CEP85L: variants seen among roughly 807,000 people sequenced by gnomAD.
CEP85L encodes the protein centrosomal protein 85L.
Under a neutral mutation model 100.3 loss-of-function variants are expected in CEP85L, and 60 were observed. The observed-to-expected ratio is 0.60, with a 90% CI of 0.49 to 0.74. CEP85L has a LOEUF of 0.74. Ranked by LOEUF, CEP85L falls within the 30% of genes least tolerant of loss-of-function variation. The pLI, the probability that CEP85L is intolerant of heterozygous loss-of-function variation, is 0.00. For missense variants in CEP85L, 973 were observed against 936.2 expected (o/e 1.04, Z -0.51); for synonymous variants, 319 against 322.7 (o/e 0.99, Z 0.12).
At chr6:118,572,442 G>A (rs1478057908) in intron 2 of CEP85L, among the ~76,000 whole-genome samples, 1 of 151,872 alleles carries the variant, frequency 6.6e-6, no homozygotes, top group African/African-American at 2.4e-5. Context: ...TGTCCTGGTG[G>A]GCGCCTGTAG....
At chr6:118,652,713 T>C (rs1281240584), upstream of CEP85L, 3 of 1,543,208 alleles carry the variant, frequency 1.9e-6, no homozygotes, top group African/African-American at 2.7e-5. Context: ...ATCCGTGTTG[T>C]AATTTATCTG....
intron 3 of CEP85L, among the ~76,000 whole-genome samples, chr6:118,530,298 T>C (rs949690385): frequency 1.3e-5 from 2 of 150,816 alleles, no homozygotes; most frequent in South Asian, 4.2e-4. Flanking sequence ...TATTTTCAAA[T>C]GGTTGAAAAA....
chr6:118,552,333 T>C (rs552150651), intron 3 of CEP85L, among the ~76,000 whole-genome samples: 2 of 152,190 alleles, frequency 1.3e-5, no homozygotes, highest in South Asian at 2.1e-4. Context: ...GTGAACATAC[T>C]TAAAGTATAG....
Position 118,465,180 on chromosome 6 carries a change from T to C in CEP85L, c.*225A>G. On this transcript the variant is annotated 3_prime_UTR_variant, in exon 13 of 13. Transcript: ENST00000368491. ...GAGAATATAGACATTTTTTTCCTTGTAGATTTTATCATATTTTCCAAAGGT... is the reference window on the plus strand; with the variant it reads ...GAGAATATAGACATTTTTTTCCTTGCAGATTTTATCATATTTTCCAAAGGT... 2.2e-6 allele frequency: 1 copy of C among 464,940 alleles called. No homozygotes were observed. The highest frequency in any genetic ancestry group is 3.6e-5 in the East Asian group (1 of 27,722). The allele number at this position is 464,940 out of a possible 1,614,324, so 28.8% of individuals were successfully genotyped here.
chr6:118,501,749 C>A (rs1170938025), intron 5 of CEP85L: 3 of 876,074 alleles, frequency 3.4e-6, no homozygotes, highest in East Asian at 2.6e-5. Context: ...CTTGAAAAAA[C>A]TTGAAAGCAG....
intron 6 of CEP85L, among the ~76,000 whole-genome samples, chr6:118,484,367 C>G (rs1163504868): frequency 1.3e-5 from 2 of 152,120 alleles, no homozygotes; most frequent in African/African-American, 4.8e-5. Context: ...ATTTATGTCA[C>G]TGAAATCAAC....
At chr6:118,540,591 T>G (rs546200415) in intron 3 of CEP85L, among the ~76,000 whole-genome samples, 42 of 151,812 alleles carry the variant, frequency 2.8e-4, no homozygotes, top group Non-Finnish European at 4.7e-4. Flanking sequence ...TCCGTCTCTA[T>G]ACTAAAAATA....
chr6:118,653,871 AC>A (rs1775682639), upstream of CEP85L, among the ~76,000 whole-genome samples: 1 of 152,166 alleles, frequency 6.6e-6, no homozygotes, highest in Non-Finnish European at 1.5e-5. Context: ...AGAAAATAGT[AC>A]TAAAAATGCC....
At chr6:118,645,161 A>T (rs1775099594) in intron 1 of CEP85L, among the ~76,000 whole-genome samples, 1 of 152,078 alleles carries the variant, frequency 6.6e-6, no homozygotes, top group Non-Finnish European at 1.5e-5. Context: ...TCCGCCTTGG[A>T]GATTTTTTGT....
At chr6:118,551,083 T>C (rs1445924515) in intron 3 of CEP85L, among the ~76,000 whole-genome samples, 7 of 151,898 alleles carry the variant, frequency 4.6e-5, no homozygotes, top group Non-Finnish European at 7.4e-5. Context: ...ATACCTAAAA[T>C]CCAAGTTAAC....
chr6:118,480,674 A>G (rs1285805975), intron 8 of CEP85L, among the ~76,000 whole-genome samples, 161 bp from the exon 9 acceptor site: 1 of 152,182 alleles, frequency 6.6e-6, no homozygotes, highest in Non-Finnish European at 1.5e-5. Flanking sequence ...TCTATAGTTC[A>G]TAACAAGTAA....
chr6:118,538,670 G>A (rs1479737489), intron 3 of CEP85L, among the ~76,000 whole-genome samples: 1 of 142,236 alleles, frequency 7.0e-6, no homozygotes, highest in East Asian at 2.0e-4. Context: ...AGAAGAAATG[G>A]TTTATCCAAG....
chr6:118,524,043 T>C (rs1582974350), intron 3 of CEP85L, 123 bp from the exon 4 acceptor site: 2 of 436,478 alleles, frequency 4.6e-6, no homozygotes, highest in East Asian at 8.5e-5. Context: ...TTTTTAATAC[T>C]TTCGGAAATC....
chr6:118,567,239 GTGTGTGTGTGTATATATATATATATA>G lies in CEP85L; in HGVS notation c.233-949_233-924del, dbSNP rs1227063980. Among the ~76,000 whole-genome samples the G allele has an allele frequency of 7.4e-3, 396 of 53,322 alleles. 2 individuals carry two copies. The highest frequency in any genetic ancestry group is 0.023 in the South Asian group (40 of 1,708). The allele number at this position is 53,322 out of a possible 152,430, so 35.0% of individuals were successfully genotyped here. ...TGTGTGTGTGTGTGTGTGTGTGTGT[GTGTGTGTGTGTATATATATATATATA>G]TATATATATATATATATATATATCC... On this transcript the variant is annotated intron_variant, in intron 2 of 12. Transcript: ENST00000368491.
rs528293657 is a variant in CEP85L, at chr6:118,553,911, G to C, written c.1020+11618C>G. 3.3e-5 allele frequency among the ~76,000 whole-genome samples: 5 copies of C among 152,302 alleles called. No individual in the cohort carries two copies. The East Asian group carries it at 9.6e-4, about 29-fold the overall frequency. On this transcript the variant is annotated intron_variant, in intron 3 of 12. Transcript: ENST00000368491. ...TCATTTTTCTCACCTGTGATAGAAA[G>C]AGACTTGAGGAAAATATTAGAGCTT...
chr6:118,630,157 A>AT (rs1440564952), intron 2 of CEP85L, among the ~76,000 whole-genome samples: 1 of 152,208 alleles, frequency 6.6e-6, no homozygotes, highest in East Asian at 1.9e-4. Flanking sequence ...TATGGGAGGT[A>AT]TTTTACATAT....
intron 2 of CEP85L, among the ~76,000 whole-genome samples, chr6:118,591,630 T>C (rs1429359243): frequency 1.3e-5 from 2 of 152,088 alleles, no homozygotes; most frequent in Non-Finnish European, 2.9e-5. Context: ...AGTAACAAAA[T>C]GGGAAACCTC....
At position 118,461,363 on chromosome 6, in the gene CEP85L, T is replaced by A. The variant is rs913807746; in HGVS notation, c.*4042A>T. On this transcript the variant is annotated 3_prime_UTR_variant, in exon 13 of 13. Transcript: ENST00000368491. ...GACATCTATCTGATAATTCCCCTCATGTTTACTAAGGTATCCACCTAGTAA... is the reference window on the plus strand; with the variant it reads ...GACATCTATCTGATAATTCCCCTCAAGTTTACTAAGGTATCCACCTAGTAA... The A allele has an allele frequency of 1.3e-5, 2 of 152,044 alleles. No homozygotes were observed. The highest frequency in any genetic ancestry group is 2.9e-5 in the Non-Finnish European group (2 of 67,972). 9.4% of individuals were successfully genotyped at this position (152,044 alleles called of 1,614,324 possible). A position where few individuals can be genotyped will look rare whatever the true frequency, so the allele number is the denominator to read the frequency against.
intron 1 of CEP85L, among the ~76,000 whole-genome samples, chr6:118,643,683 GA>G (rs201371277): frequency 6.6e-6 from 1 of 151,600 alleles, no homozygotes; most frequent in Non-Finnish European, 1.5e-5. Context: ...TACAGCAGGA[GA>G]AAAAAAACAA....
Sources: allele counts gnomAD v4.1 joint callset (sites outside exome capture counted in the v4.1 genomes callset), GRCh38; gene constraint gnomAD v4.1.1; transcripts MANE v1.5; gene names NCBI Gene and HGNC (gene_info 2026-07-23, HGNC 2026-07-21).